ATP9A: variants seen among roughly 807,000 people sequenced by gnomAD.
ATP9A encodes the protein ATPase phospholipid transporting 9A.
A neutral mutation model predicts 144.1 loss-of-function variants in ATP9A; 52 were observed. The ratio of observed to expected loss-of-function variants is 0.36; its 90% confidence interval spans 0.29 to 0.45. The LOEUF (loss-of-function observed/expected upper bound fraction) is 0.45, where lower values mean the gene tolerates loss of function less well. Ranked by LOEUF, ATP9A falls within the 20% of genes least tolerant of loss-of-function variation. The pLI is 1.00. For missense variants in ATP9A, 947 were observed against 1,392.7 expected (o/e 0.68, Z 5.09); for synonymous variants, 582 against 557.4 (o/e 1.04, Z -0.62).
intron 14 of ATP9A, among the ~76,000 whole-genome samples, chr20:51,651,167 C>T (rs55722823): frequency 0.42 from 54,405 of 129,566 alleles, 13,461 homozygotes; most frequent in East Asian, 0.79. Flanking sequence ...TATATATATA[C>T]ACACACACAC....
At position 51,682,577 on chromosome 20, in the gene ATP9A, C is replaced by CTTTTTTTTTTTTTTTTTTTTTTTTT. The variant is rs60505207; in HGVS notation, c.800-6394_800-6370dup. On this transcript the variant is annotated intron_variant, in intron 9 of 27. Coordinates refer to ENST00000338821, the MANE Select transcript of ATP9A (RefSeq NM_006045.3). ...TAAAGTGTGTTGCTTTTCACTGTAT[C>CTTTTTTTTTTTTTTTTTTTTTTTTT]TTTTTTTTTTTTTTTTTTTTTTTTT... is the stretch of plus-strand genomic sequence containing the variant. 6.8e-4 allele frequency among the ~76,000 whole-genome samples: 24 copies of CTTTTTTTTTTTTTTTTTTTTTTTTT among 35,084 alleles called. 8 individuals are homozygous for CTTTTTTTTTTTTTTTTTTTTTTTTT. Among genetic ancestry groups the CTTTTTTTTTTTTTTTTTTTTTTTTT allele is most frequent in the Non-Finnish European group, 1.2e-3 (22 of 18,830 alleles). The allele number at this position is 35,084 out of a possible 152,430, so 23.0% of individuals were successfully genotyped here.
intron 14 of ATP9A, among the ~76,000 whole-genome samples, chr20:51,640,075 A>G (rs1266916478): frequency 5.9e-5 from 9 of 151,940 alleles, no homozygotes; most frequent in African/African-American, 2.2e-4. Flanking sequence ...ACATAGCGAG[A>G]CTCTGTCCCC....
Position 51,652,842 on chromosome 20 carries a change from C to T in ATP9A, c.1506+4096G>A, listed in dbSNP as rs552629930. Among the ~76,000 whole-genome samples the T allele has an allele frequency of 1.8e-4, 28 of 152,210 alleles. No individual in the cohort carries two copies. In the South Asian group the frequency reaches 5.8e-3, roughly 32 times the overall value. On this transcript the variant is annotated intron_variant, in intron 14 of 27. Coordinates refer to ENST00000338821, the MANE Select transcript of ATP9A (RefSeq NM_006045.3). ...ACCACAGCAAGGCCAGTCGCAGTGG[C>T]TCACGCCTGTAATCCCAACACTTTG...
At chr20:51,631,732 C>T (rs559490862) in intron 15 of ATP9A, among the ~76,000 whole-genome samples, 7 of 152,300 alleles carry the variant, frequency 4.6e-5, no homozygotes, top group African/African-American at 9.6e-5. Context: ...GCAATGACAG[C>T]GCTACGATGA....
intron 1 of ATP9A, among the ~76,000 whole-genome samples, chr20:51,757,624 G>A (rs909069569): frequency 2.6e-5 from 4 of 152,116 alleles, no homozygotes; most frequent in Non-Finnish European, 5.9e-5. Context: ...TAAAAGCAGG[G>A]CCAGGCACAG....
chr20:51,724,667 C>G (rs2077704693), intron 3 of ATP9A, among the ~76,000 whole-genome samples: 1 of 152,224 alleles, frequency 6.6e-6, no homozygotes, highest in Non-Finnish European at 1.5e-5. Context: ...TTTGTCTACT[C>G]TGTTCATTGC....
chr20:51,654,951 G>A (rs1470892706), intron 14 of ATP9A, among the ~76,000 whole-genome samples: 2 of 152,112 alleles, frequency 1.3e-5, no homozygotes, highest in African/African-American at 2.4e-5. Context: ...GGGCTGTCTT[G>A]TTAGCACTAA....
intron 15 of ATP9A, among the ~76,000 whole-genome samples, chr20:51,638,511 T>C (rs2077304962): frequency 6.6e-6 from 1 of 152,004 alleles, no homozygotes; most frequent in African/African-American, 2.4e-5. Flanking sequence ...AAGTGGCATA[T>C]GAACACCAGA....
intron 22 of ATP9A, among the ~76,000 whole-genome samples, chr20:51,615,735 A>G (rs940502821): frequency 1.3e-5 from 2 of 152,188 alleles, no homozygotes; most frequent in Non-Finnish European, 2.9e-5. Flanking sequence ...TCCCGGGTTC[A>G]AGCAATTCTC....
chr20:51,601,553 C>T (rs888244032), intron 27 of ATP9A, among the ~76,000 whole-genome samples: 12 of 152,206 alleles, frequency 7.9e-5, no homozygotes, highest in Admixed American at 2.0e-4. Flanking sequence ...TGATTTTCCT[C>T]GCTCTCTCTT....
chr20:51,755,729 C>T lies in ATP9A; in HGVS notation c.68+12573G>A, dbSNP rs144009634. On this transcript the variant is annotated intron_variant, in intron 1 of 27. Transcript: ENST00000338821. ...CTGTAATCCCAGCACTTTGGGAGGC[C>T]GAGGCGGGCAGGTCACAAGATCAAG... 3.3e-3 allele frequency among the ~76,000 whole-genome samples: 508 copies of T among 152,154 alleles called. 5 individuals are homozygous for T. Among genetic ancestry groups the T allele is most frequent in the African/African-American group, 0.011 (468 of 41,520 alleles).
intron 9 of ATP9A, among the ~76,000 whole-genome samples, chr20:51,681,511 T>C (rs1157572259): frequency 2.0e-5 from 3 of 146,752 alleles, no homozygotes; most frequent in Non-Finnish European, 4.5e-5. Flanking sequence ...AACCTCCGCC[T>C]CCCAGGTTCA....
At chr20:51,706,016 T>C (rs1017425091) in intron 4 of ATP9A, among the ~76,000 whole-genome samples, 2 of 152,182 alleles carry the variant, frequency 1.3e-5, no homozygotes, top group East Asian at 1.9e-4. Context: ...AATTTGTAAG[T>C]AGGAGGAAAG....
At chr20:51,735,624 T>C (rs2077759886) in intron 1 of ATP9A, among the ~76,000 whole-genome samples, 1 of 152,198 alleles carries the variant, frequency 6.6e-6, no homozygotes, top group Non-Finnish European at 1.5e-5. Flanking sequence ...AACTGGAGTG[T>C]TTGGCACAGG....
At chr20:51,723,563 CTTT>C (rs753282602) in intron 3 of ATP9A, among the ~76,000 whole-genome samples, 13,936 of 133,240 alleles carry the variant, frequency 0.1, 917 homozygotes, top group African/African-American at 0.2. Flanking sequence ...ACAGCAAATT[CTTT>C]TTTTTTTTTT....
intron 3 of ATP9A, among the ~76,000 whole-genome samples, chr20:51,714,878 G>A (rs1470015234): frequency 6.6e-6 from 1 of 152,212 alleles, no homozygotes; most frequent in African/African-American, 2.4e-5. Context: ...CCTCTGAGTT[G>A]GGAACCCCAA....
Position 51,597,426 on chromosome 20 carries a change from A to G in ATP9A, c.*3785T>C, listed in dbSNP as rs1411540170. 1 of 152,214 alleles carries G rather than the reference A, an allele frequency of 6.6e-6. No homozygotes were observed. Among genetic ancestry groups the G allele is most frequent in the South Asian group, 2.1e-4 (1 of 4,836 alleles). 9.4% of individuals were successfully genotyped at this position (152,214 alleles called of 1,614,324 possible). On this transcript the variant is annotated 3_prime_UTR_variant, in exon 28 of 28. Transcript: ENST00000338821. The stretch of plus-strand genomic sequence containing the variant: ...GTGTTGTATTTACAAAGCTCTTTGT[A>G]TATTTTTTTAAATGAAAACAAAGCT...
intron 9 of ATP9A, 97 bp from the exon 10 acceptor site, chr20:51,676,305 G>T: frequency 1.0e-6 from 1 of 970,552 alleles, no homozygotes; most frequent in Non-Finnish European, 1.5e-6. Flanking sequence ...GAGAGACTGG[G>T]TTCTTTTTTT....
At chr20:51,670,949 TATC>T (rs1188559819) in intron 12 of ATP9A, among the ~76,000 whole-genome samples, 163 bp downstream of exon 12, 7 of 152,096 alleles carry the variant, frequency 4.6e-5, no homozygotes, top group African/African-American at 7.2e-5. Flanking sequence ...ATAATTCTGT[TATC>T]ATCATCTTCA....
Sources: allele counts gnomAD v4.1 joint callset (sites outside exome capture counted in the v4.1 genomes callset), GRCh38; gene constraint gnomAD v4.1.1; transcripts MANE v1.5; gene names NCBI Gene and HGNC (gene_info 2026-07-23, HGNC 2026-07-21).